The following SLC24A3 variants were observed in gnomAD, a reference collection of about 807,000 sequenced individuals.
SLC24A3 encodes the protein solute carrier family 24 member 3, also known as sodium/potassium/calcium exchanger 3.
A neutral mutation model predicts 75.8 loss-of-function variants in SLC24A3; 28 were observed. The ratio of observed to expected loss-of-function variants is 0.37; its 90% CI spans 0.27 to 0.51. SLC24A3 has a LOEUF of 0.51. SLC24A3 is among the 20% of genes least tolerant of loss of function. The pLI is 0.94. For missense variants in SLC24A3, 663 were observed against 847.8 expected (o/e 0.78, Z 2.71); for synonymous variants, 372 against 334.1 (o/e 1.11, Z -1.24).
chr20:19,572,184 G>C (rs1346093204), intron 3 of SLC24A3, among the ~76,000 whole-genome samples: 1 of 152,012 alleles, frequency 6.6e-6, no homozygotes, highest in Non-Finnish European at 1.5e-5. Flanking sequence ...CTCTAAAAAT[G>C]TTACGTAAAA....
intron 2 of SLC24A3, among the ~76,000 whole-genome samples, chr20:19,379,581 C>T (rs770636996): frequency 3.3e-5 from 5 of 152,174 alleles, no homozygotes; most frequent in Non-Finnish European, 5.9e-5. Context: ...GTGACCTGTG[C>T]TCACAGGTGC....
At chr20:19,509,348 C>T (rs889684821) in intron 2 of SLC24A3, among the ~76,000 whole-genome samples, 1 of 152,218 alleles carries the variant, frequency 6.6e-6, no homozygotes, top group Non-Finnish European at 1.5e-5. Context: ...TTGGATTTGG[C>T]GCTAGGATGC....
intron 6 of SLC24A3, among the ~76,000 whole-genome samples, chr20:19,642,798 G>A (rs1245601813): frequency 6.6e-6 from 1 of 152,180 alleles, no homozygotes; most frequent in Admixed American, 6.5e-5. Flanking sequence ...TTGTTGGCTG[G>A]TTGACTTATT....
At chr20:19,522,783 A>G (rs2030126169) in intron 3 of SLC24A3, among the ~76,000 whole-genome samples, 1 of 12,968 alleles carries the variant, frequency 7.7e-5, no homozygotes. Context: ...CTGCTCCTGC[A>G]GGGTTTTTTT....
chr20:19,254,596 C>T (rs1389547933), intron 1 of SLC24A3, among the ~76,000 whole-genome samples: 1 of 152,188 alleles, frequency 6.6e-6, no homozygotes, highest in Non-Finnish European at 1.5e-5. Flanking sequence ...GTAATGATAA[C>T]TCACGAAGAA....
At chr20:19,431,116 G>T (rs563938401) in intron 2 of SLC24A3, among the ~76,000 whole-genome samples, 3 of 152,102 alleles carry the variant, frequency 2.0e-5, no homozygotes, top group Non-Finnish European at 4.4e-5. Flanking sequence ...GTTGGCCAAT[G>T]GGAAGGGAGT....
At chr20:19,703,754 T>TCAAAATA (rs1568704500) in intron 15 of SLC24A3, among the ~76,000 whole-genome samples, 1 of 152,254 alleles carries the variant, frequency 6.6e-6, no homozygotes, top group East Asian at 1.9e-4. Flanking sequence ...TGACTAATAA[T>TCAAAATA]GTTAGATCAA....
chr20:19,599,775 A>G (rs2031501920), intron 6 of SLC24A3, among the ~76,000 whole-genome samples: 1 of 152,174 alleles, frequency 6.6e-6, no homozygotes, highest in Non-Finnish European at 1.5e-5. Flanking sequence ...GTTCTGCAGA[A>G]TGAAGCGTGG....
At chr20:19,577,448 G>A (rs1170354341) in intron 3 of SLC24A3, among the ~76,000 whole-genome samples, 2 of 152,148 alleles carry the variant, frequency 1.3e-5, no homozygotes, top group Non-Finnish European at 2.9e-5. Context: ...TTTTTTCCAT[G>A]CCAAGCATCC....
At chr20:19,522,336 C>T (rs879359715) in intron 3 of SLC24A3, among the ~76,000 whole-genome samples, 1 of 152,140 alleles carries the variant, frequency 6.6e-6, no homozygotes, top group Admixed American at 6.5e-5. Context: ...TTTAGCCATC[C>T]AAACAAGCAG....
chr20:19,284,091 G>T lies in SLC24A3; in HGVS notation c.271+3004G>T, dbSNP rs889886374. The T allele has an allele frequency of 2.0e-5, 3 of 152,912 alleles. No individual in the cohort carries two copies. The Admixed American group carries it at 2.0e-4, about 10-fold the overall frequency. 9.5% of individuals were successfully genotyped at this position (152,912 alleles called of 1,614,324 possible). ...CTGCATTGACTATTTCTAACAACAGGATCAGAACATTGCCACAGACACATG... is the reference window on the plus strand; with the variant it reads ...CTGCATTGACTATTTCTAACAACAGTATCAGAACATTGCCACAGACACATG... On this transcript the variant is annotated intron_variant, in intron 2 of 16. Coordinates refer to ENST00000328041, the MANE Select transcript of SLC24A3 (RefSeq NM_020689.4).
At chr20:19,264,491 G>T (rs1214429202) in intron 1 of SLC24A3, among the ~76,000 whole-genome samples, 1 of 151,942 alleles carries the variant, frequency 6.6e-6, no homozygotes, top group African/African-American at 2.4e-5. Context: ...TTGGGAGGCC[G>T]AGGCGGGTGG....
rs140847172 is a variant in SLC24A3 at position 19,422,112 on chromosome 20, G to T, written c.272-93376G>T. 2.2e-4 allele frequency among the ~76,000 whole-genome samples: 33 copies of T among 152,182 alleles called. No homozygotes were observed. In the East Asian group the frequency reaches 6.4e-3, roughly 30 times the overall value. On this transcript the variant is annotated intron_variant, in intron 2 of 16. Transcript: ENST00000328041. Reference sequence around the variant, plus strand: ...TGGCAGTTCTGGTCGATCCTACTGAGTGTGTTCTCTGGCCAGAGAACACAT... The same window carrying T: ...TGGCAGTTCTGGTCGATCCTACTGATTGTGTTCTCTGGCCAGAGAACACAT...
chr20:19,214,831 T>A (rs1320040109), intron 1 of SLC24A3, among the ~76,000 whole-genome samples: 1 of 152,176 alleles, frequency 6.6e-6, no homozygotes, highest in African/African-American at 2.4e-5. Context: ...CTGTCCTACC[T>A]TTCTCCTTCC....
intron 6 of SLC24A3, among the ~76,000 whole-genome samples, chr20:19,647,143 C>A (rs561021178): frequency 6.6e-6 from 1 of 152,232 alleles, no homozygotes; most frequent in Admixed American, 6.5e-5. Context: ...AATACCCCAG[C>A]TCCCTCTCCT....
chr20:19,672,437 C>A (rs2032479526), intron 8 of SLC24A3, among the ~76,000 whole-genome samples: 1 of 152,106 alleles, frequency 6.6e-6, no homozygotes, highest in Non-Finnish European at 1.5e-5. Context: ...TGAGCTCAAG[C>A]AATCCTCCCG....
chr20:19,440,980 G>A (rs1319708109), intron 2 of SLC24A3, among the ~76,000 whole-genome samples: 4 of 152,110 alleles, frequency 2.6e-5, no homozygotes, highest in African/African-American at 9.7e-5. Context: ...TATTCTCTGA[G>A]TGGGAAGCAG....
intron 2 of SLC24A3, among the ~76,000 whole-genome samples, chr20:19,442,493 C>A (rs1181419762): frequency 3.9e-5 from 6 of 152,154 alleles, no homozygotes; most frequent in Admixed American, 3.9e-4. Context: ...GCTCATTTGT[C>A]ATCTGTACAT....
chr20:19,453,327 C>T (rs1214516612), intron 2 of SLC24A3, among the ~76,000 whole-genome samples: 1 of 152,178 alleles, frequency 6.6e-6, no homozygotes, highest in East Asian at 1.9e-4. Flanking sequence ...CTGCCTCCAG[C>T]CTGGGTGGCA....
Sources: allele counts gnomAD v4.1 joint callset (sites outside exome capture counted in the v4.1 genomes callset), GRCh38; gene constraint gnomAD v4.1.1; transcripts MANE v1.5; gene names NCBI Gene and HGNC (gene_info 2026-07-23, HGNC 2026-07-21).